Variants in CNTN6 observed in about 807,000 individuals in gnomAD.
CNTN6 encodes the protein contactin-6.
Under a neutral mutation model 122.8 loss-of-function variants are expected in CNTN6, and 137 were observed. The ratio of observed to expected loss-of-function variants is 1.12; its 90% CI spans 0.97 to 1.29. The LOEUF is 1.29. CNTN6 is among the 50% of genes most tolerant of loss of function. The pLI is 0.00. For synonymous variants in CNTN6, 570 were observed against 426.0 expected (o/e 1.34, Z -4.16); for missense variants, 1,634 against 1,223.4 (o/e 1.34, Z -5.01).
Position 1,334,383 on chromosome 3 carries a change from T to A in CNTN6, c.1364+4448T>A, listed in dbSNP as rs868371975. Reference sequence around the variant, plus strand: ...TGCTAGACTCCTCTTTTTATTTTTTTTTTTTTTTTGAGGCCACTATTTCCT... The same window carrying A: ...TGCTAGACTCCTCTTTTTATTTTTTATTTTTTTTTGAGGCCACTATTTCCT... On this transcript the variant is annotated intron_variant, in intron 11 of 22. Coordinates refer to ENST00000446702, the MANE Select transcript of CNTN6 (RefSeq NM_001289080.2). 1.4e-3 allele frequency among the ~76,000 whole-genome samples: 212 copies of A among 151,892 alleles called. 2 individuals carry two copies. Among genetic ancestry groups the A allele is most frequent in the African/African-American group, 4.3e-3 (177 of 41,516 alleles).
At chr3:1,178,743 G>A (rs919255442) in intron 2 of CNTN6, among the ~76,000 whole-genome samples, 3 of 152,174 alleles carry the variant, frequency 2.0e-5, no homozygotes, top group African/African-American at 7.2e-5. Flanking sequence ...GTGGAAGTTT[G>A]AGCAATGTAG....
chr3:1,106,542 A>G (rs1340489123), intron 1 of CNTN6, among the ~76,000 whole-genome samples: 1 of 151,856 alleles, frequency 6.6e-6, no homozygotes, highest in Non-Finnish European at 1.5e-5. Flanking sequence ...ACACACACAC[A>G]CGCACAATCT....
chr3:1,195,498 C>A (rs1379491562), intron 2 of CNTN6, among the ~76,000 whole-genome samples: 1 of 152,094 alleles, frequency 6.6e-6, no homozygotes, highest in African/African-American at 2.4e-5. Flanking sequence ...CTTGTAAATT[C>A]CCCCTGTTCC....
At chr3:1,390,834 C>A (rs568594040) in intron 20 of CNTN6, among the ~76,000 whole-genome samples, 2,831 of 150,774 alleles carry the variant, frequency 0.019, 95 homozygotes, top group African/African-American at 0.066. Flanking sequence ...TCGACACATA[C>A]ACTCTCCCAA....
At chr3:1,354,900 G>T (rs572730448) in intron 12 of CNTN6, among the ~76,000 whole-genome samples, 1 of 151,410 alleles carries the variant, frequency 6.6e-6, no homozygotes, top group South Asian at 2.1e-4. Flanking sequence ...GACAGACATC[G>T]ATCACCTCAC....
At chr3:1,231,685 G>A (rs1226083487) in intron 4 of CNTN6, among the ~76,000 whole-genome samples, 3 of 152,134 alleles carry the variant, frequency 2.0e-5, no homozygotes, top group Non-Finnish European at 4.4e-5. Context: ...TCAGTTCTCT[G>A]GATTTAGCTA....
intron 4 of CNTN6, among the ~76,000 whole-genome samples, chr3:1,251,007 A>C (rs2094658072): frequency 6.6e-6 from 1 of 152,096 alleles, no homozygotes; most frequent in Admixed American, 6.6e-5. Context: ...CTTTGTTGCA[A>C]TCATATTCTC....
rs34452868 is a variant in CNTN6, at chr3:1,160,662, TA to T, written c.55+12614del. Among the ~76,000 whole-genome samples the T allele has an allele frequency of 7.0e-3, 954 of 136,172 alleles. 3 individuals carry two copies. The highest frequency in any genetic ancestry group is 0.034 in the Middle Eastern group (9 of 268). The allele number at this position is 136,172 out of a possible 152,430, so 89.3% of individuals were successfully genotyped here. On this transcript the variant is annotated intron_variant, in intron 2 of 22. Coordinates refer to ENST00000446702, the MANE Select transcript of CNTN6 (RefSeq NM_001289080.2). ...TCACCAATGTAGTCATAAATGTACGTAAAAAAAAAAAAAAAGAAAAATTAAT... is the reference window on the plus strand; with the variant it reads ...TCACCAATGTAGTCATAAATGTACGTAAAAAAAAAAAAAAGAAAAATTAAT...
intron 7 of CNTN6, among the ~76,000 whole-genome samples, chr3:1,307,856 A>G (rs755816786): frequency 2.0e-5 from 3 of 152,178 alleles, no homozygotes; most frequent in African/African-American, 7.2e-5. Flanking sequence ...TTCATTACAT[A>G]TCAAGGTTAA....
intron 20 of CNTN6, among the ~76,000 whole-genome samples, chr3:1,386,797 A>G (rs1475496825): frequency 1.3e-5 from 2 of 150,982 alleles, no homozygotes; most frequent in African/African-American, 2.4e-5. Context: ...ACAAAAATCT[A>G]GTTTACCTAT....
rs76802019 is a variant in CNTN6 at position 1,290,220 on chromosome 3, A to G, written c.455-5381A>G. The stretch of plus-strand genomic sequence containing the variant: ...TTTAAGAGGGAAAATTCAAGTTTTT[A>G]TATCTGTTCTACTCCCTGCTAATAT... On this transcript the variant is annotated intron_variant, in intron 5 of 22. Coordinates refer to ENST00000446702, the MANE Select transcript of CNTN6 (RefSeq NM_001289080.2). Among the ~76,000 whole-genome samples, 70 of 152,328 alleles carry G rather than the reference A, an allele frequency of 4.6e-4. No homozygotes were observed. In the East Asian group the frequency reaches 6.2e-3, roughly 13 times the overall value.
chr3:1,112,343 A>C (rs2091519755), intron 1 of CNTN6, among the ~76,000 whole-genome samples: 1 of 152,168 alleles, frequency 6.6e-6, no homozygotes, highest in Non-Finnish European at 1.5e-5. Context: ...AAGTCCCAGG[A>C]CAGGCCTTTT....
At chr3:1,185,902 T>A (rs1021876951) in intron 2 of CNTN6, among the ~76,000 whole-genome samples, 4 of 152,196 alleles carry the variant, frequency 2.6e-5, no homozygotes, top group African/African-American at 9.6e-5. Flanking sequence ...AATTATTTAG[T>A]TCCTAGAGAC....
At chr3:1,249,353 A>C (rs1376659844) in intron 4 of CNTN6, among the ~76,000 whole-genome samples, 2 of 152,210 alleles carry the variant, frequency 1.3e-5, no homozygotes, top group African/African-American at 4.8e-5. Context: ...CAGTAAGTAA[A>C]ATAAGGTCTA....
intron 2 of CNTN6, among the ~76,000 whole-genome samples, chr3:1,166,911 C>T (rs1455895337): frequency 3.3e-5 from 5 of 151,892 alleles, no homozygotes; most frequent in African/African-American, 1.2e-4. Context: ...GGAGGGAGAG[C>T]ACTAGGAGAA....
intron 1 of CNTN6, among the ~76,000 whole-genome samples, chr3:1,142,212 T>TAAA (rs67721626): frequency 7.6e-6 from 1 of 130,788 alleles, no homozygotes; most frequent in Non-Finnish European, 1.7e-5. Flanking sequence ...TTTCCATTCC[T>TAAA]AAAAAAAAAA....
chr3:1,245,301 T>TAAC (rs1221599572), intron 4 of CNTN6, among the ~76,000 whole-genome samples: 485 of 5,968 alleles, frequency 0.081, 94 homozygotes, highest in Middle Eastern at 0.33. Context: ...ATAACATATA[T>TAAC]ATATATATAT....
intron 11 of CNTN6, among the ~76,000 whole-genome samples, chr3:1,342,624 T>C (rs1466517853): frequency 6.6e-6 from 1 of 152,146 alleles, no homozygotes; most frequent in Non-Finnish European, 1.5e-5. Flanking sequence ...ACACTATTAT[T>C]TGCCTGGAGC....
chr3:1,399,868 G>A (rs1314345601), intron 20 of CNTN6, among the ~76,000 whole-genome samples: 1 of 152,106 alleles, frequency 6.6e-6, no homozygotes, highest in African/African-American at 2.4e-5. Context: ...GTAAACCAAT[G>A]TGATAAACCT....
Sources: allele counts gnomAD v4.1 joint callset (sites outside exome capture counted in the v4.1 genomes callset), GRCh38; gene constraint gnomAD v4.1.1; transcripts MANE v1.5; gene names NCBI Gene and HGNC (gene_info 2026-07-23, HGNC 2026-07-21).